MYT1L: variants seen among roughly 807,000 people sequenced by gnomAD.
MYT1L encodes myelin transcription factor 1 like.
In MYT1L, 12 loss-of-function variants were observed where a neutral mutation model predicts 126.7. That is an observed-to-expected ratio of 0.09 (90% CI 0.06 to 0.15). MYT1L has a LOEUF of 0.15. Ranked by LOEUF, MYT1L falls within the 10% of genes least tolerant of loss-of-function variation. The pLI, the probability that MYT1L is intolerant of heterozygous loss-of-function variation, is 1.00. For missense variants in MYT1L, 979 were observed against 1,585.2 expected (o/e 0.62, Z 6.49); for synonymous variants, 541 against 604.2 (o/e 0.90, Z 1.53).
intron 10 of MYT1L, among the ~76,000 whole-genome samples, chr2:1,920,354 G>A (rs889576207): frequency 5.3e-5 from 8 of 152,192 alleles, no homozygotes; most frequent in Admixed American, 4.6e-4. Flanking sequence ...TAAAGCCGCT[G>A]AACTTAAAGG....
chr2:2,004,035 A>ATACTTTCC (rs2062751185), intron 4 of MYT1L, among the ~76,000 whole-genome samples: 2 of 147,972 alleles, frequency 1.4e-5, no homozygotes, highest in Non-Finnish European at 3.0e-5. Flanking sequence ...TCTTTCCTGC[A>ATACTTTCC]TGCATTCTTT....
intron 9 of MYT1L, among the ~76,000 whole-genome samples, chr2:1,923,573 A>G (rs1255449331): frequency 6.6e-6 from 1 of 152,254 alleles, no homozygotes; most frequent in Non-Finnish European, 1.5e-5. Context: ...CATACATTTC[A>G]AGAATGACTT....
chr2:2,127,585 T>C (rs1470486861), intron 3 of MYT1L, among the ~76,000 whole-genome samples: 6 of 152,214 alleles, frequency 3.9e-5, no homozygotes, highest in Non-Finnish European at 5.9e-5. Context: ...GGTAAGCAGC[T>C]GCTCTTCTGA....
At chr2:2,222,557 A>G (rs1273828704) in intron 2 of MYT1L, among the ~76,000 whole-genome samples, 1 of 152,078 alleles carries the variant, frequency 6.6e-6, no homozygotes, top group African/African-American at 2.4e-5. Flanking sequence ...GATTTTGAAC[A>G]TATATAGGAG....
At chr2:2,017,381 A>G (rs1479773085) in intron 4 of MYT1L, among the ~76,000 whole-genome samples, 1 of 152,264 alleles carries the variant, frequency 6.6e-6, no homozygotes, top group East Asian at 1.9e-4. Context: ...ATGTCCCAGT[A>G]TGGACGAGAG....
chr2:2,120,062 T>C (rs1220801824), intron 3 of MYT1L, among the ~76,000 whole-genome samples: 3 of 152,212 alleles, frequency 2.0e-5, no homozygotes, highest in African/African-American at 4.8e-5. Flanking sequence ...CCCAGCTCGT[T>C]ACAAAATCTG....
intron 8 of MYT1L, among the ~76,000 whole-genome samples, chr2:1,952,713 T>C: frequency 2.1e-5 from 1 of 46,594 alleles, no homozygotes; most frequent in Non-Finnish European, 4.5e-5. Context: ...TTCCTTCCCT[T>C]CCCTCCTTCC....
intron 20 of MYT1L, among the ~76,000 whole-genome samples, chr2:1,839,579 G>A (rs933984076): frequency 1.3e-5 from 2 of 152,232 alleles, no homozygotes; most frequent in Non-Finnish European, 2.9e-5. Context: ...TGCGCAGAAG[G>A]CCTGACCCAT....
chr2:2,115,596 C>A (rs2080101878), intron 3 of MYT1L, among the ~76,000 whole-genome samples: 2 of 152,208 alleles, frequency 1.3e-5, no homozygotes, highest in Non-Finnish European at 2.9e-5. Flanking sequence ...TTTACTTTGC[C>A]AAATGTTTGT....
intron 2 of MYT1L, among the ~76,000 whole-genome samples, chr2:2,240,416 A>G (rs1288977688): frequency 6.6e-6 from 1 of 152,244 alleles, no homozygotes; most frequent in Non-Finnish European, 1.5e-5. Context: ...AGAAATGTAA[A>G]TGATCAAGAA....
intron 9 of MYT1L, among the ~76,000 whole-genome samples, chr2:1,939,190 C>CT (rs2056355858): frequency 6.6e-6 from 1 of 152,222 alleles, no homozygotes; most frequent in Admixed American, 6.5e-5. Context: ...ACACTCCGCT[C>CT]TGTGCTCTGG....
chr2:1,951,647 G>A (rs1468004534), intron 8 of MYT1L, among the ~76,000 whole-genome samples: 2 of 152,218 alleles, frequency 1.3e-5, no homozygotes, highest in East Asian at 1.9e-4. Context: ...CGCGGGAGAT[G>A]TATTTACCTC....
intron 2 of MYT1L, among the ~76,000 whole-genome samples, chr2:2,178,742 G>T (rs985730178): frequency 2.0e-5 from 3 of 152,252 alleles, no homozygotes; most frequent in African/African-American, 7.2e-5. Flanking sequence ...TAAGGATAGT[G>T]CAGCCTGCCT....
Position 2,156,031 on chromosome 2 carries a change from C to T in MYT1L, c.-304+16841G>A, listed in dbSNP as rs1010094567. Among the ~76,000 whole-genome samples, 5 of 152,116 alleles carry T rather than the reference C, an allele frequency of 3.3e-5. No individual in the cohort carries two copies. The South Asian group carries it at 6.2e-4, about 19-fold the overall frequency. Reference sequence around the variant, plus strand: ...GTGACAAAAAATCACTAAGCACTCTCGGCTGCAGAATAGACAGGTATGTAG... The same window carrying T: ...GTGACAAAAAATCACTAAGCACTCTTGGCTGCAGAATAGACAGGTATGTAG... On this transcript the variant is annotated intron_variant, in intron 3 of 24. Transcript: ENST00000647738.
At chr2:2,183,088 T>C (rs973506566) in intron 2 of MYT1L, among the ~76,000 whole-genome samples, 20 of 152,090 alleles carry the variant, frequency 1.3e-4, no homozygotes, top group African/African-American at 4.6e-4. Flanking sequence ...GGAGATCTCC[T>C]GGACAGAAAA....
rs1206922598 is a variant in MYT1L at position 2,084,181 on chromosome 2, A to G, written c.-303-30058T>C. Among the ~76,000 whole-genome samples the G allele has an allele frequency of 2.6e-5, 4 of 151,962 alleles. 1 individual carries two copies. ...ACGGAAAGTTCAGTTCTTAGAGGGG[A>G]GGGAGACCACTCCATCAGTAAGCCC... On this transcript the variant is annotated intron_variant, in intron 3 of 24. Coordinates refer to ENST00000647738, the MANE Select transcript of MYT1L (RefSeq NM_001303052.2).
chr2:1,837,807 C>A (rs545926402), intron 21 of MYT1L, among the ~76,000 whole-genome samples: 1 of 151,870 alleles, frequency 6.6e-6, no homozygotes, highest in South Asian at 2.1e-4. Context: ...AATAGGGGTG[C>A]TTTTCAGTTC....
At chr2:2,280,928 G>A (rs1455182597) in intron 2 of MYT1L, among the ~76,000 whole-genome samples, 2 of 152,238 alleles carry the variant, frequency 1.3e-5, no homozygotes, top group South Asian at 2.1e-4. Flanking sequence ...GCCTCGGTGC[G>A]GCCATAGGGG....
intron 3 of MYT1L, among the ~76,000 whole-genome samples, chr2:2,172,493 CT>C (rs2148542702): frequency 6.6e-6 from 1 of 152,366 alleles, no homozygotes; most frequent in South Asian, 2.1e-4. Context: ...CGCAATGCAA[CT>C]TTTAACTGCC....
Sources: allele counts gnomAD v4.1 joint callset (sites outside exome capture counted in the v4.1 genomes callset), GRCh38; gene constraint gnomAD v4.1.1; transcripts MANE v1.5; gene names NCBI Gene and HGNC (gene_info 2026-07-23, HGNC 2026-07-21).